TLN2: variants seen among roughly 807,000 people sequenced by gnomAD.
TLN2 encodes the protein talin-2.
Under a neutral mutation model 294.7 loss-of-function variants are expected in TLN2, and 118 were observed. The observed-to-expected ratio is 0.40, with a 90% CI of 0.34 to 0.47. The LOEUF is 0.47. Among genes scored for constraint, TLN2 ranks in the 20% least tolerant of loss-of-function variants. TLN2 has a pLI of 0.84. For synonymous variants in TLN2, 1,431 were observed against 1,304.5 expected, an observed-to-expected ratio of 1.10 and a Z score of -2.09; for missense variants, 3,083 against 3,282.2, an observed-to-expected ratio of 0.94 and a Z score of 1.48.
At chr15:62,481,837 G>A (rs1216446165) in intron 1 of TLN2, among the ~76,000 whole-genome samples, 2 of 120,804 alleles carry the variant, frequency 1.7e-5, no homozygotes, top group Non-Finnish European at 3.2e-5. Flanking sequence ...TCTCTCTCTT[G>A]CCAGGCTGGA....
At chr15:62,801,754 T>G (rs1183112644) in intron 50 of TLN2, among the ~76,000 whole-genome samples, 1 of 152,248 alleles carries the variant, frequency 6.6e-6, no homozygotes, top group African/African-American at 2.4e-5. Context: ...GGCACTTGCC[T>G]GGCTGCACAG....
chr15:62,830,124 CG>C (rs1209603206), intron 54 of TLN2: 1 of 152,146 alleles, frequency 6.6e-6, no homozygotes, highest in African/African-American at 2.4e-5. Context: ...ATTATTTTAG[CG>C]GGTCTTTACA....
chr15:62,684,503 G>T (rs1307982337), intron 11 of TLN2, among the ~76,000 whole-genome samples: 1 of 152,142 alleles, frequency 6.6e-6, no homozygotes, highest in East Asian at 1.9e-4. Context: ...AAGACTTGAG[G>T]TTCAGGGAGG....
Position 62,702,133 on chromosome 15 carries a change from G to C in TLN2, c.1838G>C (p.Arg613Thr), listed in dbSNP as rs115132378. 5.1e-3 allele frequency: 8,221 copies of C among 1,613,880 alleles called. 228 individuals are homozygous for C. Among genetic ancestry groups the C allele is most frequent in the South Asian group, 0.049 (4,497 of 91,010 alleles). ...DEVGSGEDLL[R>T]AARTLAGAVS... Reference sequence around the variant, plus strand: ...GTGGGCAGCGGGGAGGACTTGCTCAGAGCTGCCAGGACCCTCGCTGGGGCG... The same window carrying C: ...GTGGGCAGCGGGGAGGACTTGCTCACAGCTGCCAGGACCCTCGCTGGGGCG... Residue 613 changes from arginine to threonine, a missense_variant, in exon 18 of 59, where the codon AGA (arginine) becomes ACA (threonine). Physicochemically the swap from Arg to Thr is moderately conservative, Grantham distance 71. Transcript: ENST00000636159.
intron 1 of TLN2, among the ~76,000 whole-genome samples, chr15:62,525,546 TG>T (rs1283281878): frequency 1.3e-5 from 2 of 152,204 alleles, no homozygotes; most frequent in African/African-American, 4.8e-5. Flanking sequence ...GTCTTTTCTG[TG>T]GTAATGTTGC....
At chr15:62,440,253 A>T (rs1019930405) in intron 1 of TLN2, among the ~76,000 whole-genome samples, 2 of 152,116 alleles carry the variant, frequency 1.3e-5, no homozygotes, top group Non-Finnish European at 2.9e-5. Flanking sequence ...ATGTAACTTA[A>T]TGTTAGCATT....
At chr15:62,815,370 G>A (rs2067034233) in intron 52 of TLN2, among the ~76,000 whole-genome samples, 1 of 152,124 alleles carries the variant, frequency 6.6e-6, no homozygotes, top group Non-Finnish European at 1.5e-5. Context: ...TAGTCTTCCT[G>A]AAATGCTTGA....
At chr15:62,396,903 C>T (rs1403331218) in intron 1 of TLN2, among the ~76,000 whole-genome samples, 1 of 152,140 alleles carries the variant, frequency 6.6e-6, no homozygotes, top group East Asian at 1.9e-4. Context: ...TGGGGTTTCA[C>T]CATGTTGGCC....
intron 1 of TLN2, among the ~76,000 whole-genome samples, chr15:62,523,029 A>G (rs983264927): frequency 2.6e-5 from 4 of 151,694 alleles, no homozygotes; most frequent in Admixed American, 6.6e-5. Flanking sequence ...CGACAATTCT[A>G]TGGATCCTAG....
At position 62,753,994 on chromosome 15, in the gene TLN2, T is replaced by G; in HGVS notation, c.4476+78T>G. ...TAAGTTGTGGGAGACTATGAGAAAT[T>G]AGTAAAGAATCTTGTTCTTTCAGAG... On this transcript the variant is annotated intron_variant, in intron 36 of 58. Transcript: ENST00000636159. The G allele has an allele frequency of 2.9e-6, 4 of 1,380,584 alleles. No homozygotes were observed. The South Asian group carries it at 6.0e-5, about 21-fold the overall frequency. 85.5% of individuals were successfully genotyped at this position (1,380,584 alleles called of 1,614,324 possible). A position where few individuals can be genotyped will look rare whatever the true frequency, so the allele number is the denominator to read the frequency against.
intron 30 of TLN2, among the ~76,000 whole-genome samples, chr15:62,738,843 T>C (rs2061168102): frequency 6.6e-6 from 1 of 152,238 alleles, no homozygotes; most frequent in Admixed American, 6.5e-5. Flanking sequence ...CCTAGAACTT[T>C]TCACAAATGG....
intron 19 of TLN2, among the ~76,000 whole-genome samples, chr15:62,705,034 C>T (rs979695357): frequency 2.0e-5 from 3 of 152,216 alleles, no homozygotes; most frequent in African/African-American, 7.2e-5. Flanking sequence ...ACATCCCATG[C>T]AACCTTGTAT....
At chr15:62,589,445 G>T (rs758572857) in intron 1 of TLN2, among the ~76,000 whole-genome samples, 5 of 152,190 alleles carry the variant, frequency 3.3e-5, no homozygotes, top group African/African-American at 1.2e-4. Context: ...CCACAAGGAA[G>T]AAGAAAATGT....
intron 3 of TLN2, among the ~76,000 whole-genome samples, chr15:62,642,615 TC>T (rs1336736180): frequency 6.6e-6 from 1 of 152,204 alleles, no homozygotes; most frequent in Non-Finnish European, 1.5e-5. Flanking sequence ...AAATACACAC[TC>T]ATCTTTAGTC....
intron 3 of TLN2, among the ~76,000 whole-genome samples, chr15:62,625,529 A>G (rs1221858086): frequency 6.6e-6 from 1 of 152,160 alleles, no homozygotes; most frequent in Admixed American, 6.6e-5. Flanking sequence ...AGGTTTCTGC[A>G]TCCATGCTGT....
rs755340918 is a variant in TLN2 at position 62,787,489 on chromosome 15, G to A, written c.5736+3599G>A. On this transcript the variant is annotated intron_variant, in intron 45 of 58. Transcript: ENST00000636159. ...ATTTTCTCCATTTTACTTTTATTTCGACAAAAAAAGAATTGAGGGTTTTTC... is the reference window on the plus strand; with the variant it reads ...ATTTTCTCCATTTTACTTTTATTTCAACAAAAAAAGAATTGAGGGTTTTTC... Among the ~76,000 whole-genome samples the A allele has an allele frequency of 3.8e-4, 58 of 151,652 alleles. 1 individual carries two copies. The highest frequency in any genetic ancestry group is 2.6e-4 in the Admixed American group (4 of 15,236).
chr15:62,624,756 T>C (rs2049131886), intron 3 of TLN2, among the ~76,000 whole-genome samples: 1 of 152,200 alleles, frequency 6.6e-6, no homozygotes, highest in African/African-American at 2.4e-5. Flanking sequence ...CACAATTACG[T>C]ACATAAGCAC....
chr15:62,838,297 G>T (rs1344287855), intron 57 of TLN2: 2 of 152,308 alleles, frequency 1.3e-5, no homozygotes, highest in East Asian at 3.9e-4. Flanking sequence ...CAGGGATTCC[G>T]GTCACTGCCC....
In TLN2 at chr15:62,659,853, C is replaced by T. The variant is rs868669138; in HGVS notation, c.788+1955C>T. On this transcript the variant is annotated intron_variant, in intron 9 of 58. Transcript: ENST00000636159. ...TAATTGGGTACATTATTGCTTATAC[C>T]ATGCAGGTAAAACTTCTTGAGGATA... Among the ~76,000 whole-genome samples the T allele has an allele frequency of 2.6e-5, 4 of 152,024 alleles. No homozygotes were observed. The South Asian group carries it at 8.3e-4, about 32-fold the overall frequency.
Sources: gnomAD v4.1 joint callset for allele counts (sites outside exome capture counted in the v4.1 genomes callset) on GRCh38, gnomAD v4.1.1 for gene constraint, MANE v1.5 for transcripts, NCBI Gene and HGNC (gene_info 2026-07-23, HGNC 2026-07-21) for gene names.